Variants in CRY2 observed in about 807,000 individuals in gnomAD.
CRY2 encodes cryptochrome circadian regulator 2, also known as cryptochrome-2.
Under a neutral mutation model 69.5 loss-of-function variants are expected in CRY2, and 31 were observed. The observed-to-expected ratio is 0.45, with a 90% CI of 0.34 to 0.60. The LOEUF (loss-of-function observed/expected upper bound fraction) is 0.60, where lower values mean the gene tolerates loss of function less well. Ranked by LOEUF, CRY2 falls within the 20% of genes least tolerant of loss-of-function variation. The probability of loss-of-function intolerance (pLI) is 0.02; values close to 1 mark genes in which losing one functional copy is unlikely to be tolerated. For missense variants in CRY2, 606 were observed against 797.8 expected, an observed-to-expected ratio of 0.76 and a Z score of 2.90; for synonymous variants, 303 against 312.2, an observed-to-expected ratio of 0.97 and a Z score of 0.31.
At chr11:45,880,245 A>G (rs904527362) in intron 11 of CRY2, among the ~76,000 whole-genome samples, 3 of 152,112 alleles carry the variant, frequency 2.0e-5, no homozygotes, top group African/African-American at 7.2e-5. Flanking sequence ...CACTAAACCT[A>G]TTTAAACAGA....
At chr11:45,878,964 T>C (rs1319725770) in intron 11 of CRY2, among the ~76,000 whole-genome samples, 10 of 125,416 alleles carry the variant, frequency 8.0e-5, no homozygotes, top group Non-Finnish European at 1.4e-4. Context: ...GCTCGGTGGC[T>C]CACTCCTGTA....
At position 45,874,867 on chromosome 11, in the gene CRY2, C is replaced by T. The variant is rs533341045; in HGVS notation, c.*2+2634C>T. Among the ~76,000 whole-genome samples, 6 of 152,144 alleles carry T rather than the reference C, an allele frequency of 3.9e-5. No homozygotes were observed. The South Asian group carries it at 8.3e-4, about 21-fold the overall frequency. ...CTGAGGCAGGAGAATCACTTGAACCCGGGAGGCAGAGGTTGCAGTGAGCCA... is the reference window on the plus strand; with the variant it reads ...CTGAGGCAGGAGAATCACTTGAACCTGGGAGGCAGAGGTTGCAGTGAGCCA... On this transcript the variant is annotated intron_variant, in intron 11 of 11. Coordinates refer to ENST00000616080, the MANE Select transcript of CRY2 (RefSeq NM_021117.5).
chr11:45,847,478 A>C lies in CRY2; in HGVS notation c.-13A>C, dbSNP rs749474362. The stretch of plus-strand genomic sequence containing the variant: ...GGGGCGGAGCGGGGGTGGCTGGAGC[A>C]GTCTGGACAGTCATGGCGGCGACTG... On this transcript the variant is annotated 5_prime_UTR_variant, in exon 1 of 12. Transcript: ENST00000616080. 8.1e-6 allele frequency: 13 copies of C among 1,601,112 alleles called. No homozygotes were observed. Among genetic ancestry groups the C allele is most frequent in the Non-Finnish European group, 9.3e-6 (11 of 1,177,408 alleles).
intron 7 of CRY2, 38 bp downstream of exon 7, chr11:45,869,855 C>G (rs1332814260): frequency 1.3e-6 from 2 of 1,563,974 alleles, no homozygotes; most frequent in Non-Finnish European, 1.7e-6. Context: ...CCTGTACCCT[C>G]TGGTCAGGCC....
At chr11:45,855,746 G>A (rs1267770207) in intron 1 of CRY2, among the ~76,000 whole-genome samples, 3 of 152,208 alleles carry the variant, frequency 2.0e-5, no homozygotes, top group African/African-American at 7.2e-5. Context: ...AGGCAAAGAG[G>A]TTAGGTTATT....
intron 1 of CRY2, among the ~76,000 whole-genome samples, chr11:45,847,971 C>T (rs2086165677): frequency 6.6e-6 from 1 of 152,226 alleles, no homozygotes; most frequent in South Asian, 2.1e-4. Flanking sequence ...AGATGAGACC[C>T]TTGAGCCCTG....
Position 45,863,547 on chromosome 11 carries a change from A to G in CRY2, c.741+1399A>G, listed in dbSNP as rs1348575811. 2.0e-5 allele frequency among the ~76,000 whole-genome samples: 3 copies of G among 151,542 alleles called. No individual in the cohort carries two copies. In the Admixed American group the frequency reaches 2.0e-4, roughly 10 times the overall value. ...AGATACAGGAGTTGAACCTGATTTC[A>G]GGATGTTTATTTTAGCTTCCTTCAG... On this transcript the variant is annotated intron_variant, in intron 5 of 11. Transcript: ENST00000616080.
intron 5 of CRY2, among the ~76,000 whole-genome samples, chr11:45,867,229 A>G (rs1235828699): frequency 6.6e-6 from 1 of 152,224 alleles, no homozygotes; most frequent in Non-Finnish European, 1.5e-5. Flanking sequence ...GGACTGAGAT[A>G]TTCTTTTCTG....
chr11:45,880,365 A>G (rs149209121), intron 11 of CRY2, among the ~76,000 whole-genome samples: 1 of 152,238 alleles, frequency 6.6e-6, no homozygotes, highest in East Asian at 1.9e-4. Context: ...AAAATGAGTC[A>G]TCCTTGTGTC....
chr11:45,863,834 A>G (rs1394935089), intron 5 of CRY2, among the ~76,000 whole-genome samples: 1 of 152,080 alleles, frequency 6.6e-6, no homozygotes, highest in Non-Finnish European at 1.5e-5. Flanking sequence ...TCGGACTAGG[A>G]TCAGGGAAGG....
chr11:45,862,190 T>C (rs367650714), intron 5 of CRY2, 42 bp downstream of exon 5: 4 of 1,572,956 alleles, frequency 2.5e-6, no homozygotes, highest in Middle Eastern at 1.7e-4. Context: ...GATACTGATA[T>C]CCACACAGCA....
chr11:45,855,230 G>A (rs2086230308), intron 1 of CRY2, among the ~76,000 whole-genome samples: 1 of 150,032 alleles, frequency 6.7e-6, no homozygotes, highest in African/African-American at 2.5e-5. Context: ...CTCTTGGGAT[G>A]AGAACCTGAT....
chr11:45,869,458 T>G (rs967637631), intron 6 of CRY2, 48 bp from the exon 7 acceptor site: 6 of 1,550,440 alleles, frequency 3.9e-6, no homozygotes, highest in Non-Finnish European at 5.2e-6. Flanking sequence ...GGCACCATGC[T>G]AAGAGCTGGG....
At chr11:45,847,341 G>A, upstream of CRY2, 1 of 1,594,576 alleles carries the variant, frequency 6.3e-7, no homozygotes, top group Non-Finnish European at 8.5e-7. Context: ...CAGGTGGAAG[G>A]CACTCAGCCA....
chr11:45,867,809 G>A, intron 6 of CRY2, 57 bp downstream of exon 6: 1 of 1,608,644 alleles, frequency 6.2e-7, no homozygotes, highest in Non-Finnish European at 8.5e-7. Flanking sequence ...GGCCTTTTGG[G>A]CTTGTCAGTC....
Position 45,882,248 on chromosome 11 carries a change from G to A in CRY2, c.*1337G>A. 1 of 185,394 alleles carries A rather than the reference G, an allele frequency of 5.4e-6. No individual in the cohort carries two copies. The highest frequency in any genetic ancestry group is 1.1e-5 in the Non-Finnish European group (1 of 90,400). The allele number at this position is 185,394 out of a possible 1,614,324, so 11.5% of individuals were successfully genotyped here. On this transcript the variant is annotated 3_prime_UTR_variant, in exon 12 of 12. Coordinates refer to ENST00000616080, the MANE Select transcript of CRY2 (RefSeq NM_021117.5). ...AAGTCTTCCTTCCACCCTGTGGCCTGCACTTGAGCCACAAAGTGTGTGTGT... is the reference window on the plus strand; with the variant it reads ...AAGTCTTCCTTCCACCCTGTGGCCTACACTTGAGCCACAAAGTGTGTGTGT...
rs375094388 is a variant in CRY2, at chr11:45,860,698, G to A, written c.468-150G>A. On this transcript the variant is annotated intron_variant, in intron 3 of 11. Transcript: ENST00000616080. ...GTAAAATGGAGATGCGGCCTCCCTT[G>A]CCCCCTCCTTTCCACTCAGGCATGG... is the stretch of plus-strand genomic sequence containing the variant. The A allele has an allele frequency of 1.5e-5, 12 of 792,572 alleles. No homozygotes were observed. In the South Asian group the frequency reaches 1.7e-4, roughly 12 times the overall value. 49.1% of individuals were successfully genotyped at this position (792,572 alleles called of 1,614,324 possible).
chr11:45,861,007 C>T lies in CRY2; in HGVS notation c.627C>T (p.Tyr209=), dbSNP rs367908186. Residue 209 remains tyrosine, a synonymous_variant, in exon 4 of 12, where the codon TAC becomes TAT. Transcript: ENST00000616080. Reference sequence around the variant, plus strand: ...TCCAGGAGAACCACGACGAGACCTACGGCGTGCCCTCCCTGGAGGAGCTGG... The same window carrying T: ...TCCAGGAGAACCACGACGAGACCTATGGCGTGCCCTCCCTGGAGGAGCTGG... ...AEIQENHDET[Y]GVPSLEELGF... The T allele has an allele frequency of 4.2e-5, 67 of 1,613,456 alleles. No individual in the cohort carries two copies. Among genetic ancestry groups the T allele is most frequent in the African/African-American group, 1.2e-4 (9 of 75,062 alleles).
chr11:45,880,291 CT>C (rs2086461339), intron 11 of CRY2, among the ~76,000 whole-genome samples: 1 of 152,174 alleles, frequency 6.6e-6, no homozygotes, highest in African/African-American at 2.4e-5. Flanking sequence ...TCTGTCCTTC[CT>C]TTATTATCAG....
Sources: allele counts gnomAD v4.1 joint callset (sites outside exome capture counted in the v4.1 genomes callset), GRCh38; gene constraint gnomAD v4.1.1; transcripts MANE v1.5; gene names NCBI Gene and HGNC (gene_info 2026-07-23, HGNC 2026-07-21).